Variants in CHN2 observed in about 807,000 individuals in gnomAD.
CHN2 encodes the protein chimerin 2, also known as beta-chimaerin.
Under a neutral mutation model 56.3 loss-of-function variants are expected in CHN2, and 35 were observed. That is an observed-to-expected ratio of 0.62 (90% CI 0.47 to 0.82). The LOEUF (loss-of-function observed/expected upper bound fraction) is 0.82. CHN2 is among the 40% of genes least tolerant of loss of function. CHN2 has a pLI of 0.00. For synonymous variants in CHN2, 210 were observed against 212.8 expected, an observed-to-expected ratio of 0.99 and a Z score of 0.12; for missense variants, 491 against 580.5, an observed-to-expected ratio of 0.85 and a Z score of 1.58.
intron 1 of CHN2, among the ~76,000 whole-genome samples, chr7:29,320,026 T>C (rs574822824): frequency 2.2e-4 from 34 of 152,306 alleles, no homozygotes; most frequent in Non-Finnish European, 4.4e-4. Flanking sequence ...CAATATTCAG[T>C]GAGGAACTCT....
chr7:29,241,256 C>G (rs1787657241), intron 1 of CHN2, among the ~76,000 whole-genome samples: 1 of 151,968 alleles, frequency 6.6e-6, no homozygotes, highest in Non-Finnish European at 1.5e-5. Context: ...GGCTCGCAGA[C>G]AATTTGAATG....
At chr7:29,182,165 A>C (rs1394834568) in intron 2 of CHN2, among the ~76,000 whole-genome samples, 1 of 152,246 alleles carries the variant, frequency 6.6e-6, no homozygotes, top group Non-Finnish European at 1.5e-5. Flanking sequence ...CTGCAAATGC[A>C]TATGCAAATG....
At chr7:29,284,413 G>A (rs995742213) in intron 1 of CHN2, among the ~76,000 whole-genome samples, 5 of 152,328 alleles carry the variant, frequency 3.3e-5, no homozygotes, top group African/African-American at 1.2e-4. Flanking sequence ...CTCTTTAAAA[G>A]AGGCTCCAGG....
At chr7:29,508,569 T>C (rs1375945806) in intron 11 of CHN2, among the ~76,000 whole-genome samples, 1 of 152,070 alleles carries the variant, frequency 6.6e-6, no homozygotes, top group East Asian at 1.9e-4. Flanking sequence ...CCGGTAAGAC[T>C]ATTCCCTCCT....
At chr7:29,316,791 A>G (rs1794985750) in intron 1 of CHN2, among the ~76,000 whole-genome samples, 1 of 152,112 alleles carries the variant, frequency 6.6e-6, no homozygotes, top group African/African-American at 2.4e-5. Flanking sequence ...TTTCTAGAGT[A>G]TGGAGTCTGT....
At chr7:29,296,907 G>C (rs1793207489) in intron 1 of CHN2, among the ~76,000 whole-genome samples, 1 of 152,182 alleles carries the variant, frequency 6.6e-6, no homozygotes, top group Non-Finnish European at 1.5e-5. Flanking sequence ...CTCTATGACA[G>C]GATCCTGGCT....
intron 2 of CHN2, among the ~76,000 whole-genome samples, chr7:29,172,877 C>T (rs560645466): frequency 2.6e-5 from 4 of 151,908 alleles, no homozygotes; most frequent in Admixed American, 2.0e-4. Context: ...TGTGGTAGCT[C>T]ACCAGCGTTT....
chr7:29,299,098 A>T (rs1360424821), intron 1 of CHN2, among the ~76,000 whole-genome samples: 2 of 152,168 alleles, frequency 1.3e-5, no homozygotes, highest in African/African-American at 4.8e-5. Flanking sequence ...TTCCTGCCTC[A>T]CAGATTGAAT....
At chr7:29,425,011 G>T (rs1439094356) in intron 6 of CHN2, among the ~76,000 whole-genome samples, 1 of 152,248 alleles carries the variant, frequency 6.6e-6, no homozygotes, top group Non-Finnish European at 1.5e-5. Context: ...TGCATCAAGA[G>T]ATTTGACAAG....
rs770434026 is a variant in CHN2 at position 29,194,982 on chromosome 7, T to C, written c.41T>C (p.Val14Ala). 6.9e-6 allele frequency: 11 copies of C among 1,586,330 alleles called. No individual in the cohort carries two copies. Among genetic ancestry groups the C allele is most frequent in the Non-Finnish European group, 9.4e-6 (11 of 1,169,018 alleles). Residue 14 changes from valine to alanine, a missense_variant, in exon 1 of 13, where the codon GTG becomes GCG. Transcript: ENST00000222792. ...AACTCCAGCCTGTCCGGCTCGTCGG[T>C]GTCCTCCGGTGAGTTTCAGCCCGTC... ...SSNSSLSGSS[V>A]SSDAEEYQPP...
chr7:29,233,656 C>T (rs1278337196), intron 1 of CHN2, among the ~76,000 whole-genome samples: 11 of 151,850 alleles, frequency 7.2e-5, no homozygotes, highest in African/African-American at 1.9e-4. Flanking sequence ...ACAGAAGGGT[C>T]AGTTTCAGAA....
intron 1 of CHN2, among the ~76,000 whole-genome samples, chr7:29,211,203 T>C (rs1048189638): frequency 1.3e-5 from 2 of 151,562 alleles, no homozygotes; most frequent in Non-Finnish European, 2.9e-5. Flanking sequence ...CCTGAGGAGC[T>C]GGGACTAAAG....
chr7:29,228,204 GGA>G (rs61159288), intron 1 of CHN2, among the ~76,000 whole-genome samples: 8 of 150,194 alleles, frequency 5.3e-5, no homozygotes, highest in Admixed American at 6.6e-5. Flanking sequence ...GTGTGTTTGT[GGA>G]GAGAGAGAGA....
chr7:29,431,786 C>T, intron 6 of CHN2, among the ~76,000 whole-genome samples: 1 of 152,172 alleles, frequency 6.6e-6, no homozygotes, highest in East Asian at 1.9e-4. Flanking sequence ...CTTAGCAATG[C>T]ACAGATTCTC....
intron 7 of CHN2, 83 bp downstream of exon 7, chr7:29,480,439 C>A: frequency 7.2e-7 from 1 of 1,392,462 alleles, no homozygotes; most frequent in Non-Finnish European, 1.0e-6. Flanking sequence ...TGGTTTCTGA[C>A]TGTAAAGTCA....
chr7:29,496,154 A>T (rs1025973109), intron 8 of CHN2, 118 bp downstream of exon 8: 1 of 718,906 alleles, frequency 1.4e-6, no homozygotes, highest in African/African-American at 1.8e-5. Context: ...AGCCTTCTGC[A>T]GGGTTCAAGG....
At chr7:29,354,486 G>C (rs1235030292) in intron 1 of CHN2, 139 bp from the exon 2 acceptor site, 2 of 720,230 alleles carry the variant, frequency 2.8e-6, no homozygotes, top group Non-Finnish European at 4.7e-6. Context: ...GTCTGGAACT[G>C]CTCCCTAAAT....
At chr7:29,245,331 T>C (rs1419920924) in intron 1 of CHN2, among the ~76,000 whole-genome samples, 1 of 152,144 alleles carries the variant, frequency 6.6e-6, no homozygotes, top group Non-Finnish European at 1.5e-5. Context: ...GAACATTTCT[T>C]TAAAGAGGAA....
intron 1 of CHN2, among the ~76,000 whole-genome samples, chr7:29,267,772 G>A (rs1415811927): frequency 1.3e-5 from 2 of 152,206 alleles, no homozygotes; most frequent in Non-Finnish European, 2.9e-5. Context: ...CTTCAAGACA[G>A]AGTCCTCCCG....
Sources: allele counts gnomAD v4.1 joint callset (sites outside exome capture counted in the v4.1 genomes callset), GRCh38; gene constraint gnomAD v4.1.1; transcripts MANE v1.5; gene names NCBI Gene and HGNC (gene_info 2026-07-23, HGNC 2026-07-21).